Variants in CREBBP observed in about 807,000 individuals in gnomAD.
The protein encoded by CREBBP is CREB binding lysine acetyltransferase.
Under a neutral mutation model 265.0 loss-of-function variants are expected in CREBBP, and 19 were observed. That is an observed-to-expected ratio of 0.07 (90% CI 0.05 to 0.11). The LOEUF (loss-of-function observed/expected upper bound fraction) is 0.11, where lower values mean the gene tolerates loss of function less well. Ranked by LOEUF, CREBBP falls within the 10% of genes least tolerant of loss-of-function variation. CREBBP has a pLI of 1.00. For synonymous variants in CREBBP, 1,457 were observed against 1,223.7 expected (o/e 1.19, Z -3.98); for missense variants, 2,525 against 3,219.0 (o/e 0.78, Z 5.22).
chr16:3,814,621 C>T (rs919336757), intron 2 of CREBBP, among the ~76,000 whole-genome samples: 1 of 152,074 alleles, frequency 6.6e-6, no homozygotes, highest in Admixed American at 6.6e-5. Flanking sequence ...TCATCAAAAA[C>T]GTGTTTGTAC....
At chr16:3,811,207 C>G (rs2053932373) in intron 2 of CREBBP, among the ~76,000 whole-genome samples, 1 of 152,204 alleles carries the variant, frequency 6.6e-6, no homozygotes, top group Non-Finnish European at 1.5e-5. Context: ...TAGTTCAAAA[C>G]ACACAGTGGA....
intron 2 of CREBBP, among the ~76,000 whole-genome samples, chr16:3,811,500 A>C (rs1488246398): frequency 6.6e-6 from 1 of 152,026 alleles, no homozygotes; most frequent in Non-Finnish European, 1.5e-5. Flanking sequence ...TTATTTATTT[A>C]TTTTAATAGA....
chr16:3,822,270 C>T (rs528549507), intron 2 of CREBBP, among the ~76,000 whole-genome samples: 16 of 152,186 alleles, frequency 1.1e-4, no homozygotes, highest in South Asian at 8.3e-4. Context: ...ACGTCAAGAA[C>T]GCACAGTAAA....
At chr16:3,822,991 C>G (rs1298756008) in intron 2 of CREBBP, among the ~76,000 whole-genome samples, 1 of 152,072 alleles carries the variant, frequency 6.6e-6, no homozygotes, top group Non-Finnish European at 1.5e-5. Flanking sequence ...ACAAAGGTGA[C>G]TCTGATTACT....
At chr16:3,824,303 C>T (rs911323382) in intron 2 of CREBBP, among the ~76,000 whole-genome samples, 6 of 152,288 alleles carry the variant, frequency 3.9e-5, no homozygotes, top group African/African-American at 1.4e-4. Flanking sequence ...TGGGGAAAAA[C>T]ACCTCTGGGA....
At chr16:3,798,970 G>A (rs1026652131) in intron 3 of CREBBP, among the ~76,000 whole-genome samples, 8 of 152,162 alleles carry the variant, frequency 5.3e-5, no homozygotes, top group Non-Finnish European at 1.2e-4. Context: ...AAAACACGGT[G>A]TATAACCAAA....
At chr16:3,780,321 C>T (rs1293660350) in intron 8 of CREBBP, among the ~76,000 whole-genome samples, 3 of 151,474 alleles carry the variant, frequency 2.0e-5, no homozygotes, top group African/African-American at 7.3e-5. Flanking sequence ...GACATGCCAT[C>T]TATACTCTAA....
intron 2 of CREBBP, among the ~76,000 whole-genome samples, chr16:3,848,092 C>T (rs1487386171): frequency 6.6e-6 from 1 of 151,904 alleles, no homozygotes; most frequent in African/African-American, 2.4e-5. Flanking sequence ...ATCACTTGAA[C>T]CCAGGAGGCG....
At chr16:3,849,441 GTGTGT>G (rs1567360457) in intron 2 of CREBBP, among the ~76,000 whole-genome samples, 555 of 17,930 alleles carry the variant, frequency 0.031, 53 homozygotes, top group East Asian at 0.079. Flanking sequence ...GTGTGTGTGT[GTGTGT>G]GTGTGTGTGT....
chr16:3,873,303 C>T (rs533050228), intron 1 of CREBBP, among the ~76,000 whole-genome samples: 6 of 152,218 alleles, frequency 3.9e-5, no homozygotes, highest in East Asian at 3.9e-4. Flanking sequence ...TTTAAGTTTT[C>T]GTAATTTTAA....
chr16:3,780,012 T>C (rs1418177289), intron 8 of CREBBP, among the ~76,000 whole-genome samples: 1 of 151,664 alleles, frequency 6.6e-6, no homozygotes, highest in Admixed American at 6.6e-5. Context: ...GAGGCTGAGG[T>C]GGACGGATCA....
chr16:3,728,915 G>T lies in CREBBP; in HGVS notation c.6132C>A (p.Ala2044=), dbSNP rs2151305949. 6.2e-7 allele frequency: 1 copy of T among 1,606,440 alleles called. No individual in the cohort carries two copies. ...TCCGGGGCCCAGCCACGGCCGCCTG[G>T]GCCTGCATGGATATCACAGGCCTGG... is the stretch of plus-strand genomic sequence containing the variant. The part of the protein sequence containing the change: ...GLPRPVISMQ[A]QAAVAGPRMP... The change falls in exon 31 of 31, where the codon GCC becomes GCA. Residue 2044 remains alanine (A), a synonymous_variant. Coordinates refer to ENST00000262367, the MANE Select transcript of CREBBP (RefSeq NM_004380.3). The surrounding 1 kb of genome is among the most constrained non-coding windows in gnomAD (Gnocchi z 8.7).
In CREBBP at chr16:3,810,605, T is replaced by A. The variant is rs747990896; in HGVS notation, c.973A>T (p.Met325Leu). Residue 325 changes from methionine to leucine, a missense_variant and splice_region_variant, in exon 3 of 31, where the codon ATG becomes TTG. Met to Leu is a conservative substitution (Grantham distance 15). This residue lies in a region of CREBBP where 126 missense variants were observed against 171.9 expected (regional missense o/e 0.73). Transcript: ENST00000262367. ...KNTSVTNVPN[M>L]SQMQTSVGIV... is the part of the protein sequence containing the mutation. ...ACTGAGGGCCAAGGGTAACTTACCATATTTGGCACGTTGGTGACTGAAGTA... is the reference window on the plus strand; with the variant it reads ...ACTGAGGGCCAAGGGTAACTTACCAAATTTGGCACGTTGGTGACTGAAGTA... 15 of 1,613,434 alleles carry A rather than the reference T, an allele frequency of 9.3e-6. No homozygotes were observed. Among genetic ancestry groups the A allele is most frequent in the Admixed American group, 3.3e-5 (2 of 59,998 alleles).
rs1247005267 is a variant in CREBBP at position 3,880,013 on chromosome 16, G to C, written c.-97C>G. 9.4e-7 allele frequency: 1 copy of C among 1,062,446 alleles called. No homozygotes were observed. The highest frequency in any genetic ancestry group is 1.7e-5 in the African/African-American group (1 of 59,220). 65.8% of individuals were successfully genotyped at this position (1,062,446 alleles called of 1,614,324 possible). A position where few individuals can be genotyped will look rare whatever the true frequency, so the allele number is the denominator to read the frequency against. ...GCCCTGCCGGCTGCGAGGGAGAGGA[G>C]CGAGCGCGGGCCGCGAGCGGGCGGG... On this transcript the variant is annotated 5_prime_UTR_variant, in exon 1 of 31. Coordinates refer to ENST00000262367, the MANE Select transcript of CREBBP (RefSeq NM_004380.3).
chr16:3,745,079 G>A (rs1327310854), intron 22 of CREBBP, 118 bp from the exon 23 acceptor site: 6 of 927,086 alleles, frequency 6.5e-6, no homozygotes, highest in East Asian at 2.6e-5. Flanking sequence ...TAAAATTAAA[G>A]AGTGAAGAGG....
At chr16:3,822,229 G>A (rs900351818) in intron 2 of CREBBP, among the ~76,000 whole-genome samples, 4 of 82,484 alleles carry the variant, frequency 4.8e-5, no homozygotes, top group East Asian at 6.3e-4. Context: ...CTTTTTCCAC[G>A]GATCTACACT....
rs2151299176 is a variant in CREBBP at position 3,727,934 on chromosome 16, A to G, written c.7113T>C (p.Pro2371=). 6.2e-7 allele frequency: 1 copy of G among 1,608,694 alleles called. No homozygotes were observed. Among genetic ancestry groups the G allele is most frequent in the East Asian group, 2.2e-5 (1 of 44,740 alleles). ...TCTGGGGTGAGACGTGGTGTGGCGA[A>G]GGCTGGGGCTGTATCCGTGGTGACG... ...SSPSPRIQPQ[P]SPHHVSPQTG... is the part of the protein sequence containing the mutation. The change falls in exon 31 of 31, where the codon CCT becomes CCC. Residue 2371 remains proline, a synonymous_variant. Transcript: ENST00000262367.
chr16:3,787,583 T>C (rs977075968), intron 5 of CREBBP, among the ~76,000 whole-genome samples: 1 of 151,906 alleles, frequency 6.6e-6, no homozygotes, highest in East Asian at 1.9e-4. Flanking sequence ...ATTCGATGAG[T>C]GGCAGTTCAA....
intron 4 of CREBBP, 65 bp downstream of exon 4, chr16:3,793,321 G>A (rs904152388): frequency 2.5e-6 from 4 of 1,608,612 alleles, no homozygotes; most frequent in Middle Eastern, 1.6e-4. Context: ...GAGAGCTGCT[G>A]TAAGAACAAT....
Sources: allele counts gnomAD v4.1 joint callset (sites outside exome capture counted in the v4.1 genomes callset), GRCh38; gene constraint gnomAD v4.1.1; regional missense constraint gnomAD v4.1.1; non-coding constraint Gnocchi (gnomAD v3.1); transcripts MANE v1.5; gene names NCBI Gene and HGNC (gene_info 2026-07-23, HGNC 2026-07-21).